Variants in CLEC12A observed in about 807,000 individuals in gnomAD.
The protein encoded by CLEC12A is C-type lectin domain family 12 member A.
CLEC12A carries 22 observed loss-of-function variants against 26.5 expected under a neutral mutation model. The ratio of observed to expected loss-of-function variants is 0.83; its 90% CI spans 0.59 to 1.19. The LOEUF is 1.19. CLEC12A is among the 50% of genes most tolerant of loss of function. The pLI is 0.00. For synonymous variants in CLEC12A, 119 were observed against 101.9 expected (o/e 1.17, Z -1.01); for missense variants, 353 against 315.6 (o/e 1.12, Z -0.90).
At chr12:9,972,100 A>G (rs997093872) in intron 1 of CLEC12A, among the ~76,000 whole-genome samples, 1 of 151,836 alleles carries the variant, frequency 6.6e-6, no homozygotes. Flanking sequence ...TCAGACAGAG[A>G]GACCTTTATA....
At chr12:10,003,384 G>GA in the CLEC12A span, among the ~76,000 whole-genome samples, 6 of 152,032 alleles carry the variant, frequency 3.9e-5, no homozygotes, top group East Asian at 1.9e-4. Flanking sequence ...GAAACTGAAG[G>GA]AAAAAATGTG....
At position 9,980,603 on chromosome 12, in the gene CLEC12A, C is replaced by A; in HGVS notation, c.401C>A (p.Pro134Gln). 6.2e-7 allele frequency: 1 copy of A among 1,613,452 alleles called. No homozygotes were observed. Among genetic ancestry groups the A allele is most frequent in the Non-Finnish European group, 8.5e-7 (1 of 1,179,668 alleles). Residue 134 changes from proline to glutamine, a missense_variant, in exon 4 of 6, where the codon CCA (proline) becomes CAA (glutamine). Physicochemically the swap from Pro to Gln is moderately conservative, Grantham distance 76. Transcript: ENST00000304361. Reference sequence around the variant, plus strand: ...CCAGAGCACAAATGTAAGCCTTGTCCAAGGAGATGGATTTGGCATAAGGAC... The same window carrying A: ...CCAGAGCACAAATGTAAGCCTTGTCAAAGGAGATGGATTTGGCATAAGGAC... ...KEQEHKCKPCPRRWIWHKDSC... is the reference protein window; with the variant it reads ...KEQEHKCKPCQRRWIWHKDSC...
chr12:9,971,920 AT>A (rs1231246540), intron 1 of CLEC12A, among the ~76,000 whole-genome samples: 1 of 152,112 alleles, frequency 6.6e-6, no homozygotes, highest in Non-Finnish European at 1.5e-5. Flanking sequence ...GAAATTTTTT[AT>A]TATCACACTC....
intron 1 of CLEC12A, among the ~76,000 whole-genome samples, chr12:9,973,021 A>G (rs1864187496): frequency 6.6e-6 from 1 of 152,124 alleles, no homozygotes; most frequent in Non-Finnish European, 1.5e-5. Flanking sequence ...TATTGAATCC[A>G]TGTCTTCTTC....
downstream of CLEC12A, among the ~76,000 whole-genome samples, chr12:9,989,436 G>C (rs1291253151): frequency 6.6e-6 from 1 of 152,112 alleles, no homozygotes; most frequent in African/African-American, 2.4e-5. Context: ...TAGCCTTATT[G>C]CTGATATGGA....
At chr12:9,976,807 G>T (rs149341696) in intron 1 of CLEC12A, among the ~76,000 whole-genome samples, 2 of 152,214 alleles carry the variant, frequency 1.3e-5, no homozygotes, top group African/African-American at 4.8e-5. Flanking sequence ...CCTCGTGGGA[G>T]GTAATTGAAT....
exon 5 of CLEC12A, chr12:9,995,252 G>A (rs201281831): frequency 1.7e-5 from 28 of 1,604,828 alleles, no homozygotes; most frequent in Non-Finnish European, 2.3e-5. Context: ...TACTCCTATT[G>A]TAAACATAAA....
upstream of CLEC12A, among the ~76,000 whole-genome samples, chr12:9,966,876 G>A (rs1216143173): frequency 8.0e-5 from 8 of 100,308 alleles, 2 homozygotes; most frequent in Non-Finnish European, 1.3e-4. Flanking sequence ...GCTGCCAAAC[G>A]AGCCATGAAC....
At chr12:9,961,429 C>T (rs1338204284) in intron 1 of CLEC12A, among the ~76,000 whole-genome samples, 3 of 152,200 alleles carry the variant, frequency 2.0e-5, no homozygotes, top group Non-Finnish European at 4.4e-5. Context: ...AGCTACATTC[C>T]TTCCTCACTA....
downstream of CLEC12A, chr12:9,996,958 T>C: frequency 5.6e-6 from 9 of 1,614,110 alleles, no homozygotes; most frequent in African/African-American, 1.3e-5. Flanking sequence ...GCTATCTCCA[T>C]AATATCTCCA....
intron 4 of CLEC12A, chr12:9,994,947 G>T (rs978336228): frequency 7.0e-7 from 1 of 1,426,602 alleles, no homozygotes; most frequent in Non-Finnish European, 9.3e-7. Context: ...TTGTGGCTTA[G>T]ATAAAGAGCA....
At chr12:9,954,584 T>C (rs1040755451) in intron 1 of CLEC12A, among the ~76,000 whole-genome samples, 1 of 152,212 alleles carries the variant, frequency 6.6e-6, no homozygotes, top group Non-Finnish European at 1.5e-5. Flanking sequence ...ACAAATAAAG[T>C]TCAACCATGT....
chr12:9,996,799 G>T (rs759152150), downstream of CLEC12A: 3 of 1,601,826 alleles, frequency 1.9e-6, no homozygotes, highest in African/African-American at 1.3e-5. Context: ...TACATTTGAG[G>T]TTTCTCTTCC....
downstream of CLEC12A, chr12:9,996,889 T>A (rs775125636): frequency 6.2e-7 from 1 of 1,613,950 alleles, no homozygotes; most frequent in Non-Finnish European, 8.5e-7. Context: ...AGCATTCATG[T>A]CAGTGCAGTA....
chr12:9,980,567 A>G lies in CLEC12A; in HGVS notation c.380-15A>G, dbSNP rs1423615833. The G allele has an allele frequency of 1.2e-6, 2 of 1,608,680 alleles. No homozygotes were observed. The highest frequency in any genetic ancestry group is 8.5e-7 in the Non-Finnish European group (1 of 1,177,734). Reference sequence around the variant, plus strand: ...CTATCAACAAAACCCAAATAAAACTATGTTCTTCTTCCAGAGCACAAATGT... The same window carrying G: ...CTATCAACAAAACCCAAATAAAACTGTGTTCTTCTTCCAGAGCACAAATGT... On this transcript the variant is annotated splice_polypyrimidine_tract_variant and intron_variant, in intron 3 of 5. Coordinates refer to ENST00000304361, the MANE Select transcript of CLEC12A (RefSeq NM_138337.6).
intron 1 of CLEC12A, among the ~76,000 whole-genome samples, chr12:9,954,456 C>T (rs981473088): frequency 1.3e-5 from 2 of 151,938 alleles, no homozygotes; most frequent in Non-Finnish European, 2.9e-5. Flanking sequence ...GATCACACCA[C>T]TGCACTTCCA....
At chr12:9,979,822 G>A (rs1425211648) in intron 3 of CLEC12A, among the ~76,000 whole-genome samples, 8 of 152,146 alleles carry the variant, frequency 5.3e-5, no homozygotes, top group Admixed American at 5.2e-4. Context: ...GGGCACTGAG[G>A]TTAATAGAAG....
downstream of CLEC12A, among the ~76,000 whole-genome samples, chr12:9,986,513 C>T (rs1013054680): frequency 6.8e-6 from 1 of 146,556 alleles, no homozygotes; most frequent in Non-Finnish European, 1.5e-5. Flanking sequence ...GGTAATTTTG[C>T]ATAAAAGGCA....
At chr12:9,980,844 T>C in intron 4 of CLEC12A, 111 bp downstream of exon 4, 1 of 1,112,084 alleles carries the variant, frequency 9.0e-7, no homozygotes, top group Non-Finnish European at 1.3e-6. Flanking sequence ...GGGTGTGAAG[T>C]GACTGAAACT....
Sources: allele counts gnomAD v4.1 joint callset (sites outside exome capture counted in the v4.1 genomes callset), GRCh38; gene constraint gnomAD v4.1.1; transcripts MANE v1.5; gene names NCBI Gene and HGNC (gene_info 2026-07-23, HGNC 2026-07-21).